HDLBP: variants seen among roughly 807,000 people sequenced by gnomAD.
HDLBP encodes high density lipoprotein binding protein.
HDLBP carries 30 observed loss-of-function variants against 137.3 expected under a neutral mutation model. The ratio of observed to expected loss-of-function variants is 0.22; its 90% CI spans 0.16 to 0.30. HDLBP has a LOEUF of 0.30. HDLBP is among the 10% of genes least tolerant of loss of function. The pLI, the probability that HDLBP is intolerant of heterozygous loss-of-function variation, is 1.00. For synonymous variants in HDLBP, 606 were observed against 596.0 expected, an observed-to-expected ratio of 1.02 and a Z score of -0.24; for missense variants, 1,119 against 1,667.3, an observed-to-expected ratio of 0.67 and a Z score of 5.73.
In HDLBP at chr2:241,253,227, G is replaced by A. The variant is rs547657131; in HGVS notation, c.1293+166C>T. 814 of 676,106 alleles carry A rather than the reference G, an allele frequency of 1.2e-3. 1 individual carries two copies. The highest frequency in any genetic ancestry group is 2.2e-3 in the South Asian group (129 of 58,838). 41.9% of individuals were successfully genotyped at this position (676,106 alleles called of 1,614,324 possible). ...TTTCCTCCACCCACGATTATTCCAGGACTTCGACCAGCTTCTGGTTGTTTC... is the reference window on the plus strand; with the variant it reads ...TTTCCTCCACCCACGATTATTCCAGAACTTCGACCAGCTTCTGGTTGTTTC... On this transcript the variant is annotated intron_variant, in intron 10 of 27. Transcript: ENST00000310931.
In HDLBP at chr2:241,253,301, A is replaced by G. The variant is rs183498166; in HGVS notation, c.1293+92T>C. ...GGATGCCCTGGGTGTCTGTGCCCGG[A>G]CATGTGGGATGTCATCGAGAGATGA... On this transcript the variant is annotated intron_variant, in intron 10 of 27. Coordinates refer to ENST00000310931, the MANE Select transcript of HDLBP (RefSeq NM_005336.6). 25 of 880,490 alleles carry G rather than the reference A, an allele frequency of 2.8e-5. No individual in the cohort carries two copies. In the Admixed American group the frequency reaches 4.1e-4, roughly 14 times the overall value. 54.5% of individuals were successfully genotyped at this position (880,490 alleles called of 1,614,324 possible). A position where few individuals can be genotyped will look rare whatever the true frequency, so the allele number is the denominator to read the frequency against.
chr2:241,238,695 C>T lies in HDLBP; in HGVS notation c.2703G>A (p.Arg901=). 2 of 1,588,902 alleles carry T rather than the reference C, an allele frequency of 1.3e-6. No individual in the cohort carries two copies. The highest frequency in any genetic ancestry group is 1.7e-6 in the Non-Finnish European group (2 of 1,162,054). ...GGAATTTAATTTGAACACTGAAATC[C>T]CGAGTAATCTGCTGGATTCTGGAAC... ...PKGSRIQQIT[R]DFSVQIKFPD... The change falls in exon 20 of 28, where the codon CGG becomes CGA. Residue 901 remains arginine (R), a synonymous_variant. Transcript: ENST00000310931. This position sits in a 1 kb window ranked among gnomAD's most constrained non-coding sequence, Gnocchi z 4.9.
chr2:241,251,608 C>T (rs1451429570), intron 11 of HDLBP, among the ~76,000 whole-genome samples: 3 of 152,238 alleles, frequency 2.0e-5, no homozygotes, highest in Non-Finnish European at 4.4e-5. Context: ...AGGTAACACA[C>T]GCGACGTGTG....
At position 241,228,989 on chromosome 2, in the gene HDLBP, G is replaced by C. The variant is rs1406721595; in HGVS notation, c.*612C>G. On this transcript the variant is annotated 3_prime_UTR_variant, in exon 28 of 28. Coordinates refer to ENST00000310931, the MANE Select transcript of HDLBP (RefSeq NM_005336.6). ...TTGGTGCTTTCAGACCCCACGGCAG[G>C]TAAAATCAGGACTGCCTGAGAACCC... 1 of 153,364 alleles carries C rather than the reference G, an allele frequency of 6.5e-6. No individual in the cohort carries two copies. The highest frequency in any genetic ancestry group is 1.5e-5 in the Non-Finnish European group (1 of 68,946). The allele number at this position is 153,364 out of a possible 1,614,324, so 9.5% of individuals were successfully genotyped here.
intron 1 of HDLBP, among the ~76,000 whole-genome samples, chr2:241,309,288 CAGG>C (rs1298863457): frequency 2.6e-5 from 4 of 151,906 alleles, no homozygotes; most frequent in South Asian, 2.1e-4. Context: ...CGTGAAAGTG[CAGG>C]AGAACACACT....
chr2:241,233,810 AG>A lies in HDLBP; in HGVS notation c.3288+9del, dbSNP rs2070083662. The A allele has an allele frequency of 6.2e-7, 1 of 1,614,014 alleles. No individual in the cohort carries two copies. Among genetic ancestry groups the A allele is most frequent in the Non-Finnish European group, 8.5e-7 (1 of 1,180,022 alleles). ...CTCTGCCCCCGACACGCTCCAACCG[AG>A]GCTCTCACCTGGTTCCCATCGTCCT... On this transcript the variant is annotated intron_variant, in intron 24 of 27. Transcript: ENST00000310931. The surrounding 1 kb of genome is among the most constrained non-coding windows in gnomAD (Gnocchi z 4.3).
chr2:241,307,006 T>C (rs1399600050), intron 1 of HDLBP, among the ~76,000 whole-genome samples: 5 of 132,100 alleles, frequency 3.8e-5, no homozygotes, highest in African/African-American at 8.6e-5. Context: ...AGCCCAAAAT[T>C]GAAGTGAGGT....
chr2:241,246,899 TCAC>T lies in HDLBP; in HGVS notation c.1819-19_1819-17del, dbSNP rs1362553254. 1 of 1,613,874 alleles carries T rather than the reference TCAC, an allele frequency of 6.2e-7. No individual in the cohort carries two copies. The highest frequency in any genetic ancestry group is 1.3e-5 in the African/African-American group (1 of 74,884). ...CTTCACGAATCTACAGGGAGAGAGA[TCAC>T]CATGAGAAGCTGACTAGAGCTCTCC... On this transcript the variant is annotated splice_polypyrimidine_tract_variant and intron_variant, in intron 15 of 27. Coordinates refer to ENST00000310931, the MANE Select transcript of HDLBP (RefSeq NM_005336.6).
chr2:241,257,879 T>C (rs77875223), intron 5 of HDLBP, among the ~76,000 whole-genome samples: 6,054 of 152,048 alleles, frequency 0.04, 404 homozygotes, highest in African/African-American at 0.14. Flanking sequence ...GACCTGCTGG[T>C]CTGAACTGAA....
chr2:241,233,758 C>T lies in HDLBP; in HGVS notation c.3288+62G>A. 7 of 1,601,442 alleles carry T rather than the reference C, an allele frequency of 4.4e-6. No homozygotes were observed. Among genetic ancestry groups the T allele is most frequent in the Non-Finnish European group, 6.0e-6 (7 of 1,171,280 alleles). On this transcript the variant is annotated intron_variant, in intron 24 of 27. Coordinates refer to ENST00000310931, the MANE Select transcript of HDLBP (RefSeq NM_005336.6). This position sits in a 1 kb window ranked among gnomAD's most constrained non-coding sequence, Gnocchi z 4.3. ...TCTAGGCACATCTGGTTACTGCTCC[C>T]AAGTCACAGGAAAGGTCAACAAGCA...
intron 20 of HDLBP, 26 bp from the exon 21 acceptor site, chr2:241,236,795 G>C: frequency 6.2e-7 from 1 of 1,610,106 alleles, no homozygotes; most frequent in Non-Finnish European, 8.5e-7. Context: ...AAAAGGGACA[G>C]CTGACAGCTG....
chr2:241,269,618 C>G (rs1183747488), intron 1 of HDLBP: 1 of 152,118 alleles, frequency 6.6e-6, no homozygotes, highest in Admixed American at 6.5e-5. Flanking sequence ...ACAGATGTAC[C>G]CCAAGACTGA....
At chr2:241,296,373 G>A (rs1446111194) in intron 1 of HDLBP, among the ~76,000 whole-genome samples, 1 of 152,136 alleles carries the variant, frequency 6.6e-6, no homozygotes, top group Non-Finnish European at 1.5e-5. Context: ...TGGAGATCTG[G>A]ATGTAAACAA....
chr2:241,290,018 T>G (rs6437255), intron 1 of HDLBP, among the ~76,000 whole-genome samples: 128,647 of 152,148 alleles, frequency 0.85, 54,774 homozygotes, highest in East Asian at 0.95. Context: ...AAGAAACCAC[T>G]TTGTGTCCAT....
intron 1 of HDLBP, among the ~76,000 whole-genome samples, chr2:241,292,074 G>A (rs1302748914): frequency 1.3e-5 from 2 of 152,192 alleles, no homozygotes; most frequent in Non-Finnish European, 2.9e-5. Context: ...AGAACTGGTT[G>A]ATAAAGAACT....
rs1320486746 is a variant in HDLBP, at chr2:241,242,573, C to T, written c.2056G>A (p.Val686Ile). The change falls in exon 17 of 28, where the codon GTC becomes ATC. Residue 686 changes from valine (V) to isoleucine (I), a missense_variant. By Grantham distance (29) the Val-to-Ile change is conservative (BLOSUM62 3). Transcript: ENST00000310931. ...IRSIMEECGG[V>I]HIHFPVEGSG... ...CCTTCCACGGGAAAGTGAATGTGGACCCCGCCGCACTCCTCCATGATGGAG... is the reference window on the plus strand; with the variant it reads ...CCTTCCACGGGAAAGTGAATGTGGATCCCGCCGCACTCCTCCATGATGGAG... 1 of 1,614,198 alleles carries T rather than the reference C, an allele frequency of 6.2e-7. No homozygotes were observed. Among genetic ancestry groups the T allele is most frequent in the Non-Finnish European group, 8.5e-7 (1 of 1,180,034 alleles).
At chr2:241,231,943 A>G (rs2149325385) in intron 24 of HDLBP, among the ~76,000 whole-genome samples, 1 of 146,228 alleles carries the variant, frequency 6.8e-6, no homozygotes, top group Non-Finnish European at 1.5e-5. Context: ...ACAAATCACA[A>G]CACGGAACCA....
intron 24 of HDLBP, 114 bp from the exon 25 acceptor site, chr2:241,231,058 A>G: frequency 2.3e-6 from 2 of 870,930 alleles, no homozygotes; most frequent in African/African-American, 1.7e-5. Flanking sequence ...ATGGAAAGCA[A>G]CGTCACGGCT....
At chr2:241,258,165 G>A (rs759063107) in intron 5 of HDLBP, among the ~76,000 whole-genome samples, 1 of 151,536 alleles carries the variant, frequency 6.6e-6, no homozygotes, top group Non-Finnish European at 1.5e-5. Context: ...TTGGGAGGCC[G>A]AGGTGGGTGG....
Sources: allele counts gnomAD v4.1 joint callset (sites outside exome capture counted in the v4.1 genomes callset), GRCh38; gene constraint gnomAD v4.1.1; non-coding constraint Gnocchi (gnomAD v3.1); transcripts MANE v1.5; gene names NCBI Gene and HGNC (gene_info 2026-07-23, HGNC 2026-07-21).